The following LSM2 variants were observed in gnomAD, a reference collection of about 807,000 sequenced individuals.
LSM2 encodes LSM2 homolog, U6 small nuclear RNA and mRNA degradation associated, also known as U6 snRNA-associated Sm-like protein LSm2.
A neutral mutation model predicts 17.0 loss-of-function variants in LSM2; 12 were observed. That is an observed-to-expected ratio of 0.70 (90% CI 0.45 to 1.14). LSM2 has a LOEUF of 1.14. Ranked by LOEUF, LSM2 falls within the 50% of genes most tolerant of loss-of-function variation. The pLI is 0.00. For missense variants in LSM2, 62 were observed against 111.8 expected (o/e 0.55, Z 2.01); for synonymous variants, 42 against 44.5 (o/e 0.94, Z 0.22).
chr6:31,806,288 T>G, intron 1 of LSM2, 146 bp from the exon 2 acceptor site: 1 of 785,104 alleles, frequency 1.3e-6, no homozygotes. Context: ...AATAATTGGT[T>G]GACAGAGCTG....
At chr6:31,801,774 C>A (rs1814722005) in intron 2 of LSM2, among the ~76,000 whole-genome samples, 1 of 151,948 alleles carries the variant, frequency 6.6e-6, no homozygotes, top group South Asian at 2.1e-4. Context: ...CCAGCCAGGG[C>A]AACAGAGTGA....
At chr6:31,804,144 C>A (rs999411267) in intron 2 of LSM2, among the ~76,000 whole-genome samples, 5 of 152,012 alleles carry the variant, frequency 3.3e-5, no homozygotes, top group Non-Finnish European at 7.4e-5. Flanking sequence ...AGGTGGATCA[C>A]AAGGTCGAGA....
intron 2 of LSM2, among the ~76,000 whole-genome samples, chr6:31,803,074 G>A (rs924719514): frequency 1.4e-4 from 21 of 152,178 alleles, no homozygotes; most frequent in African/African-American, 5.1e-4. Context: ...TACCGTACTT[G>A]TCTTGCTCTG....
chr6:31,798,427 TC>T, intron 3 of LSM2, 49 bp downstream of exon 3: 1 of 1,607,598 alleles, frequency 6.2e-7, no homozygotes, highest in Non-Finnish European at 8.5e-7. Context: ...CCCTTAAGTC[TC>T]CCCTCTCCTT....
Position 31,797,610 on chromosome 6 carries a change from A to T in LSM2, c.*147T>A. 1 of 1,139,878 alleles carries T rather than the reference A, an allele frequency of 8.8e-7. No homozygotes were observed. The highest frequency in any genetic ancestry group is 1.3e-6 in the Non-Finnish European group (1 of 794,616). 70.6% of individuals were successfully genotyped at this position (1,139,878 alleles called of 1,614,324 possible). ...ATAGCTGTTCCCTATTACTCCTCTC[A>T]TCCACTCATCCCTTAAAAAAAACCC... On this transcript the variant is annotated 3_prime_UTR_variant, in exon 5 of 5. Coordinates refer to ENST00000375661, the MANE Select transcript of LSM2 (RefSeq NM_021177.5).
In LSM2 at chr6:31,806,161, A is replaced by G; in HGVS notation, c.4-19T>C. 2 of 1,610,678 alleles carry G rather than the reference A, an allele frequency of 1.2e-6. No homozygotes were observed. The highest frequency in any genetic ancestry group is 1.7e-6 in the Non-Finnish European group (2 of 1,177,950). ...AGAAGAGCTATTGGGAGAGAGGGGG[A>G]AAACCATCATGTGGGAAGGAGCATG... On this transcript the variant is annotated intron_variant, in intron 1 of 4. Transcript: ENST00000375661.
chr6:31,799,084 G>A (rs1436207091), intron 2 of LSM2, among the ~76,000 whole-genome samples: 3 of 152,056 alleles, frequency 2.0e-5, no homozygotes, highest in African/African-American at 7.2e-5. Flanking sequence ...GTAAAGGCTA[G>A]ACCTGTATTC....
chr6:31,797,565 C>T lies in LSM2; in HGVS notation c.*192G>A. 1 of 743,176 alleles carries T rather than the reference C, an allele frequency of 1.3e-6. No individual in the cohort carries two copies. The highest frequency in any genetic ancestry group is 2.1e-6 in the Non-Finnish European group (1 of 465,960). 46.0% of individuals were successfully genotyped at this position (743,176 alleles called of 1,614,324 possible). On this transcript the variant is annotated 3_prime_UTR_variant, in exon 5 of 5. Transcript: ENST00000375661. ...CTTTGAAGTTTCCCAGCCTACTTAT[C>T]CTCCCCTTCTCAAGAGAGGATAGCT... is the stretch of plus-strand genomic sequence containing the variant.
At chr6:31,804,089 G>A (rs761847579) in intron 2 of LSM2, among the ~76,000 whole-genome samples, 204 of 152,204 alleles carry the variant, frequency 1.3e-3, no homozygotes, top group Middle Eastern at 6.8e-3. Context: ...AGGACTAGGC[G>A]CAGTGGCTCA....
At chr6:31,802,584 G>A (rs952557839) in intron 2 of LSM2, among the ~76,000 whole-genome samples, 7 of 148,988 alleles carry the variant, frequency 4.7e-5, no homozygotes, top group South Asian at 4.3e-4. Flanking sequence ...AGCGAGACTC[G>A]TCTCAATAAA....
intron 2 of LSM2, 70 bp from the exon 3 acceptor site, chr6:31,798,577 G>C: frequency 6.4e-7 from 1 of 1,556,358 alleles, no homozygotes; most frequent in African/African-American, 1.4e-5. Flanking sequence ...TGACTTCAGA[G>C]CTGGGATGAG....
intron 2 of LSM2, 92 bp from the exon 3 acceptor site, chr6:31,798,599 G>C: frequency 7.0e-7 from 1 of 1,434,618 alleles, no homozygotes. Context: ...ACATGACTGG[G>C]AGAAGTCAAG....
intron 2 of LSM2, among the ~76,000 whole-genome samples, chr6:31,802,316 G>C (rs1814760570): frequency 6.6e-6 from 1 of 151,768 alleles, no homozygotes; most frequent in Non-Finnish European, 1.5e-5. Context: ...AAAAAAGAAG[G>C]CTGGGCGCAG....
At chr6:31,801,290 C>G (rs945726147) in intron 2 of LSM2, among the ~76,000 whole-genome samples, 14 of 150,610 alleles carry the variant, frequency 9.3e-5, no homozygotes, top group African/African-American at 3.2e-4. Context: ...TGCCTAATAA[C>G]AAAAACAAAA....
At chr6:31,800,654 G>C (rs866662842) in intron 2 of LSM2, among the ~76,000 whole-genome samples, 1 of 152,114 alleles carries the variant, frequency 6.6e-6, no homozygotes, top group Admixed American at 6.6e-5. Flanking sequence ...TTGGGAGGCC[G>C]AGGCGGGTGG....
In LSM2 at chr6:31,797,460, C is replaced by T; in HGVS notation, c.*297G>A. 2.7e-6 allele frequency: 1 copy of T among 365,132 alleles called. No individual in the cohort carries two copies. The highest frequency in any genetic ancestry group is 5.0e-6 in the Non-Finnish European group (1 of 200,732). 22.6% of individuals were successfully genotyped at this position (365,132 alleles called of 1,614,324 possible). A position where few individuals can be genotyped will look rare whatever the true frequency, so the allele number is the denominator to read the frequency against. On this transcript the variant is annotated 3_prime_UTR_variant, in exon 5 of 5. Coordinates refer to ENST00000375661, the MANE Select transcript of LSM2 (RefSeq NM_021177.5). Reference sequence around the variant, plus strand: ...CTTCCATCCCCAAATGAATCACATGCTGCCCTGGAAAGACCTAGGAAACTC... The same window carrying T: ...CTTCCATCCCCAAATGAATCACATGTTGCCCTGGAAAGACCTAGGAAACTC...
At chr6:31,801,474 A>T (rs2151446905) in intron 2 of LSM2, among the ~76,000 whole-genome samples, 1 of 152,338 alleles carries the variant, frequency 6.6e-6, no homozygotes, top group East Asian at 1.9e-4. Context: ...TACATAGCAC[A>T]AAAGTGGTCT....
intron 2 of LSM2, among the ~76,000 whole-genome samples, chr6:31,803,424 G>C (rs1053880004): frequency 3.3e-5 from 5 of 152,150 alleles, no homozygotes; most frequent in African/African-American, 1.2e-4. Flanking sequence ...TCAGGAGGCT[G>C]AGTGAGCTAT....
Position 31,797,705 on chromosome 6 carries a change from T to G in LSM2, c.*52A>C. On this transcript the variant is annotated 3_prime_UTR_variant, in exon 5 of 5. Coordinates refer to ENST00000375661, the MANE Select transcript of LSM2 (RefSeq NM_021177.5). The stretch of plus-strand genomic sequence containing the variant: ...GGGGTTAGGGGTTCTGGGCTGGGAC[T>G]TGGGGTTATGGGTCACCAATGAAAG... 1 of 1,611,028 alleles carries G rather than the reference T, an allele frequency of 6.2e-7. No individual in the cohort carries two copies. Among genetic ancestry groups the G allele is most frequent in the Non-Finnish European group, 8.5e-7 (1 of 1,179,662 alleles).
Sources: gnomAD v4.1 joint callset for allele counts (sites outside exome capture counted in the v4.1 genomes callset) on GRCh38, gnomAD v4.1.1 for gene constraint, MANE v1.5 for transcripts, NCBI Gene and HGNC (gene_info 2026-07-23, HGNC 2026-07-21) for gene names.